The following USP50 variants were observed in gnomAD, a reference collection of about 807,000 sequenced individuals.
USP50 encodes ubiquitin carboxyl-terminal hydrolase 50.
In USP50, 37 loss-of-function variants were observed where a neutral mutation model predicts 39.2. That is an observed-to-expected ratio of 0.94 (90% CI 0.73 to 1.24). The LOEUF (loss-of-function observed/expected upper bound fraction) is 1.24, where lower values mean the gene tolerates loss of function less well. Among genes scored for constraint, USP50 ranks in the 50% most tolerant of loss-of-function variants. The pLI is 0.00. For missense variants in USP50, 374 were observed against 398.2 expected, an observed-to-expected ratio of 0.94 and a Z score of 0.52; for synonymous variants, 139 against 144.5, an observed-to-expected ratio of 0.96 and a Z score of 0.27.
At chr15:50,496,190 G>A, downstream of USP50, 1 of 974,190 alleles carries the variant, frequency 1.0e-6, no homozygotes, top group Non-Finnish European at 1.5e-6. Flanking sequence ...CATTTTATCA[G>A]TAAAACTCGG....
intron 6 of USP50, chr15:50,513,754 G>C (rs546844340): frequency 1.3e-4 from 20 of 152,228 alleles, no homozygotes; most frequent in African/African-American, 4.6e-4. Flanking sequence ...AAAACAAAAC[G>C]AACAAAAGAC....
At position 50,529,785 on chromosome 15, in the gene USP50, GTTT is replaced by G. The variant is rs1361612503; in HGVS notation, c.936+9_936+11del. ...AAAATTGGATTACTTTTAACAGTTT[GTTT>G]TTACTCACCACCACTGCACAGAGGT... On this transcript the variant is annotated intron_variant, in intron 6 of 6. Transcript: ENST00000532404. 3.7e-6 allele frequency: 6 copies of G among 1,608,264 alleles called. No homozygotes were observed. In the Middle Eastern group the frequency reaches 5.0e-4, roughly 134 times the overall value.
At chr15:50,525,306 GTT>G (rs998432069) in intron 6 of USP50, among the ~76,000 whole-genome samples, 1 of 152,028 alleles carries the variant, frequency 6.6e-6, no homozygotes, top group African/African-American at 2.4e-5. Flanking sequence ...AGGGTATAAA[GTT>G]TCAGTGAGGA....
intron 5 of USP50, among the ~76,000 whole-genome samples, chr15:50,530,354 G>C (rs578186313): frequency 6.6e-6 from 1 of 151,836 alleles, no homozygotes; most frequent in Non-Finnish European, 1.5e-5. Flanking sequence ...AGGCTGAGGC[G>C]GGTGGATCAC....
At chr15:50,497,355 A>G (rs2052457066), downstream of USP50, 11 of 1,233,014 alleles carry the variant, frequency 8.9e-6, no homozygotes, top group South Asian at 1.3e-4. Flanking sequence ...ATCTGGTTAC[A>G]GTAGATCTAG....
chr15:50,544,151 G>A (rs1382987842), intron 2 of USP50, among the ~76,000 whole-genome samples: 4 of 152,020 alleles, frequency 2.6e-5, no homozygotes, highest in African/African-American at 9.7e-5. Context: ...GACCAGCCTG[G>A]CCAACATGGT....
downstream of USP50, chr15:50,496,833 C>T (rs189564944): frequency 1.1e-3 from 345 of 314,968 alleles, 1 homozygote; most frequent in Non-Finnish European, 1.1e-3. Context: ...AACAGGGTTT[C>T]TCTGATTGAC....
intron 6 of USP50, among the ~76,000 whole-genome samples, chr15:50,519,981 A>G (rs1004269452): frequency 6.6e-6 from 1 of 152,050 alleles, no homozygotes; most frequent in Non-Finnish European, 1.5e-5. Context: ...CTGCACCCTC[A>G]TGTTTATTGC....
chr15:50,495,869 A>G (rs1431121834), downstream of USP50: 1 of 1,613,416 alleles, frequency 6.2e-7, no homozygotes, highest in African/African-American at 1.3e-5. Flanking sequence ...GAAGAGATAT[A>G]AAGAAGAAAA....
chr15:50,531,568 C>T (rs564990401), intron 5 of USP50, among the ~76,000 whole-genome samples: 1 of 152,062 alleles, frequency 6.6e-6, no homozygotes, highest in Non-Finnish European at 1.5e-5. Flanking sequence ...CATGAGATAA[C>T]TTTTTGGGGT....
chr15:50,508,950 CG>C (rs2052700161), intron 6 of USP50: 1 of 151,446 alleles, frequency 6.6e-6, no homozygotes, highest in Non-Finnish European at 1.5e-5. Flanking sequence ...CTGGCTAACA[CG>C]GTGAAACCCC....
downstream of USP50, chr15:50,497,538 G>A (rs987105869): frequency 1.0e-5 from 2 of 197,226 alleles, no homozygotes; most frequent in East Asian, 1.2e-4. Flanking sequence ...CACATGAAAT[G>A]TAACATTCAA....
At chr15:50,495,078 T>C (rs1482361875) in intron 1 of USP50, among the ~76,000 whole-genome samples, 1 of 151,278 alleles carries the variant, frequency 6.6e-6, no homozygotes, top group Non-Finnish European at 1.5e-5. Flanking sequence ...CTAGTTATTA[T>C]AAAGGCATGT....
intron 6 of USP50, chr15:50,514,567 G>GTGTCAC (rs2052783947): frequency 6.6e-6 from 1 of 152,308 alleles, no homozygotes; most frequent in South Asian, 2.1e-4. Context: ...GAGTCTCGCT[G>GTGTCAC]TGTCACCAGG....
At chr15:50,493,033 A>G, downstream of USP50, 1 of 1,037,902 alleles carries the variant, frequency 9.6e-7, no homozygotes, top group Non-Finnish European at 1.5e-6. Flanking sequence ...GATAATTTGT[A>G]AAGAACAAAA....
chr15:50,517,055 C>T (rs1438992575), intron 6 of USP50, among the ~76,000 whole-genome samples: 1 of 152,288 alleles, frequency 6.6e-6, no homozygotes, highest in African/African-American at 2.4e-5. Context: ...ATACTTTAGA[C>T]CAAACAGATC....
Position 50,541,040 on chromosome 15 carries a change from C to T in USP50, c.660+9G>A. On this transcript the variant is annotated intron_variant, in intron 4 of 6. Coordinates refer to ENST00000532404, the MANE Select transcript of USP50 (RefSeq NM_203494.5). ...CGAGACAAAGTGTCCAGGAATACTG[C>T]ATTCCTACCCGAAGGGAGCATTCAT... 2 of 1,599,904 alleles carry T rather than the reference C, an allele frequency of 1.3e-6. No homozygotes were observed. The highest frequency in any genetic ancestry group is 1.7e-6 in the Non-Finnish European group (2 of 1,167,238).
chr15:50,504,562 T>C (rs2052632037), intron 6 of USP50: 1 of 152,152 alleles, frequency 6.6e-6, no homozygotes, highest in South Asian at 2.1e-4. Context: ...GACACCATTT[T>C]ATATAGGGCC....
chr15:50,545,647 G>C (rs2053065400), intron 1 of USP50, among the ~76,000 whole-genome samples: 1 of 145,828 alleles, frequency 6.9e-6, no homozygotes, highest in Non-Finnish European at 1.5e-5. Flanking sequence ...TATATCTTAA[G>C]AGCACACATA....
Sources: allele counts gnomAD v4.1 joint callset (sites outside exome capture counted in the v4.1 genomes callset), GRCh38; gene constraint gnomAD v4.1.1; transcripts MANE v1.5; gene names NCBI Gene and HGNC (gene_info 2026-07-23, HGNC 2026-07-21).